PAX2: variants seen among roughly 807,000 people sequenced by gnomAD.
PAX2 encodes paired box protein Pax-2.
A neutral mutation model predicts 41.7 loss-of-function variants in PAX2; 9 were observed. That is an observed-to-expected ratio of 0.22 (90% CI 0.13 to 0.38). PAX2 has a LOEUF of 0.38. Among genes scored for constraint, PAX2 ranks in the 10% least tolerant of loss-of-function variants. The pLI is 1.00. For missense variants in PAX2, 418 were observed against 531.6 expected (o/e 0.79, Z 2.10); for synonymous variants, 221 against 212.7 (o/e 1.04, Z -0.34).
chr10:100,769,888 GT>G (rs1356640374), intron 3 of PAX2, among the ~76,000 whole-genome samples: 8 of 152,096 alleles, frequency 5.3e-5, no homozygotes, highest in African/African-American at 9.7e-5. Context: ...AGAAAACAAG[GT>G]TTCAGCTCTG....
chr10:100,770,579 C>A (rs1354227851), intron 3 of PAX2, among the ~76,000 whole-genome samples: 1 of 152,240 alleles, frequency 6.6e-6, no homozygotes, highest in Admixed American at 6.5e-5. Context: ...CCCCTTGGGC[C>A]AGCCCCATGG....
At position 100,827,179 on chromosome 10, in the gene PAX2, TG is replaced by T; in HGVS notation, c.1108+88del. Reference sequence around the variant, plus strand: ...GTCCCACTCCCGGCGACCCGACCTCTGGGGACCCGGCCGGGCCAGGGGGACA... The same window carrying T: ...GTCCCACTCCCGGCGACCCGACCTCTGGGACCCGGCCGGGCCAGGGGGACA... On this transcript the variant is annotated intron_variant, in intron 9 of 9. Coordinates refer to ENST00000355243, the MANE Select transcript of PAX2 (RefSeq NM_000278.5). This position sits in a 1 kb window ranked among gnomAD's most constrained non-coding sequence, Gnocchi z 8.5. 1 of 1,138,746 alleles carries T rather than the reference TG, an allele frequency of 8.8e-7. No homozygotes were observed. Among genetic ancestry groups the T allele is most frequent in the Non-Finnish European group, 1.3e-6 (1 of 758,770 alleles). 70.5% of individuals were successfully genotyped at this position (1,138,746 alleles called of 1,614,324 possible).
At chr10:100,821,254 A>T (rs1391095611) in intron 7 of PAX2, among the ~76,000 whole-genome samples, 2 of 152,180 alleles carry the variant, frequency 1.3e-5, no homozygotes, top group Non-Finnish European at 2.9e-5. Flanking sequence ...TCTGCTCTTT[A>T]AGTGTCACCT....
In PAX2 at chr10:100,829,404, C is replaced by T. The variant is rs891941263; in HGVS notation, c.*1785C>T. The T allele has an allele frequency of 2.4e-5, 5 of 209,050 alleles. No individual in the cohort carries two copies. Among genetic ancestry groups the T allele is most frequent in the Non-Finnish European group, 3.9e-5 (4 of 102,380 alleles). The allele number at this position is 209,050 out of a possible 1,614,324, so 12.9% of individuals were successfully genotyped here. On this transcript the variant is annotated 3_prime_UTR_variant, in exon 10 of 10. Transcript: ENST00000355243. ...GGCAGCTCCAGCCCCCGGGCTCGCC[C>T]CCTCGCGGGCGTGCCCCGCGCGCCC...
intron 5 of PAX2, among the ~76,000 whole-genome samples, chr10:100,792,974 C>T (rs755645553): frequency 3.3e-5 from 5 of 152,318 alleles, no homozygotes; most frequent in South Asian, 2.1e-4. Flanking sequence ...CCCTGCTTTC[C>T]GCACCAAAGA....
chr10:100,749,620 C>T, intron 1 of PAX2, 126 bp from the exon 2 acceptor site: 1 of 1,469,292 alleles, frequency 6.8e-7, no homozygotes, highest in Non-Finnish European at 9.0e-7. Flanking sequence ...CACCTTTCTT[C>T]TCAAGCTCGG....
At chr10:100,771,717 C>T (rs1320752010) in intron 3 of PAX2, among the ~76,000 whole-genome samples, 1 of 152,252 alleles carries the variant, frequency 6.6e-6, no homozygotes, top group Admixed American at 6.5e-5. Context: ...GCCATGGATA[C>T]GTGCCTGATA....
chr10:100,817,533 G>A lies in PAX2; in HGVS notation c.920-7115G>A, dbSNP rs148513918. ...ACAGCATGACTGGTTGTGTCCGGCC[G>A]GTTGGCTGTCAAGGTGTAGACCTCA... On this transcript the variant is annotated intron_variant, in intron 7 of 9. Coordinates refer to ENST00000355243, the MANE Select transcript of PAX2 (RefSeq NM_000278.5). 1.9e-3 allele frequency among the ~76,000 whole-genome samples: 292 copies of A among 152,330 alleles called. 2 individuals are homozygous for A. The highest frequency in any genetic ancestry group is 6.3e-3 in the African/African-American group (262 of 41,578).
intron 5 of PAX2, among the ~76,000 whole-genome samples, chr10:100,792,045 T>C (rs1047358022): frequency 4.6e-5 from 7 of 152,238 alleles, no homozygotes; most frequent in Non-Finnish European, 8.8e-5. Context: ...GATCCATTTT[T>C]CTCTGGCATT....
rs573550098 is a variant in PAX2 at position 100,751,223 on chromosome 10, C to T, written c.410+332C>T. Among the ~76,000 whole-genome samples the T allele has an allele frequency of 7.2e-4, 109 of 152,320 alleles. 1 individual carries two copies. Among genetic ancestry groups the T allele is most frequent in the African/African-American group, 2.6e-3 (108 of 41,564 alleles). On this transcript the variant is annotated intron_variant, in intron 3 of 9. Transcript: ENST00000355243. ...GACAATCACAGCCTGCAGCCGGAGCCTTTAAAATGACCAGTGTCTATTCAT... is the reference window on the plus strand; with the variant it reads ...GACAATCACAGCCTGCAGCCGGAGCTTTTAAAATGACCAGTGTCTATTCAT...
intron 3 of PAX2, among the ~76,000 whole-genome samples, chr10:100,767,612 C>T (rs1163190614): frequency 2.6e-5 from 4 of 152,148 alleles, no homozygotes; most frequent in Non-Finnish European, 4.4e-5. Context: ...TGGGTGTTCA[C>T]GGAGTATCGA....
intron 7 of PAX2, among the ~76,000 whole-genome samples, chr10:100,816,773 A>C (rs1300268962): frequency 6.6e-6 from 1 of 152,150 alleles, no homozygotes; most frequent in Non-Finnish European, 1.5e-5. Context: ...AGGGCTTTGC[A>C]TGCCTTCAGC....
upstream of PAX2, among the ~76,000 whole-genome samples, chr10:100,741,021 G>A (rs1458475831): frequency 6.6e-6 from 1 of 152,252 alleles, no homozygotes; most frequent in Non-Finnish European, 1.5e-5. Flanking sequence ...CAGCTTTGGT[G>A]GCCAAGTGGC....
At chr10:100,790,911 G>A (rs1054190340) in intron 5 of PAX2, among the ~76,000 whole-genome samples, 2 of 152,304 alleles carry the variant, frequency 1.3e-5, no homozygotes, top group South Asian at 2.1e-4. Flanking sequence ...GACAGATCAC[G>A]AGCCTCAGAG....
At chr10:100,815,117 A>G (rs927486709) in intron 7 of PAX2, among the ~76,000 whole-genome samples, 3 of 152,202 alleles carry the variant, frequency 2.0e-5, no homozygotes, top group Admixed American at 2.0e-4. Flanking sequence ...TACTCAGGGC[A>G]TCCTGAGGAC....
chr10:100,829,671 G>C lies in PAX2; in HGVS notation c.*2052G>C. 1 of 204,128 alleles carries C rather than the reference G, an allele frequency of 4.9e-6. No individual in the cohort carries two copies. The highest frequency in any genetic ancestry group is 1.9e-4 in the South Asian group (1 of 5,276). The allele number at this position is 204,128 out of a possible 1,614,324, so 12.6% of individuals were successfully genotyped here. ...AGAAGGAAAAAGAGAAAAGAGAATC[G>C]TTTAAGGGAACCCGGCGCCCAGCCA... On this transcript the variant is annotated 3_prime_UTR_variant, in exon 10 of 10. Coordinates refer to ENST00000355243, the MANE Select transcript of PAX2 (RefSeq NM_000278.5).
chr10:100,822,823 T>C (rs1848416420), intron 7 of PAX2, among the ~76,000 whole-genome samples: 1 of 152,080 alleles, frequency 6.6e-6, no homozygotes, highest in Non-Finnish European at 1.5e-5. Flanking sequence ...GAGGTGATAA[T>C]CTTAAGTTGG....
At chr10:100,820,188 G>A (rs889333771) in intron 7 of PAX2, among the ~76,000 whole-genome samples, 8 of 152,188 alleles carry the variant, frequency 5.3e-5, no homozygotes, top group Admixed American at 3.3e-4. Context: ...CAGCCATGAC[G>A]ATATGAGACT....
chr10:100,780,042 C>A (rs1161590115), intron 4 of PAX2, among the ~76,000 whole-genome samples: 1 of 151,904 alleles, frequency 6.6e-6, no homozygotes, highest in African/African-American at 2.4e-5. Context: ...TCTGTCTTCT[C>A]CCCTTGGCTC....
Sources: gnomAD v4.1 joint callset for allele counts (sites outside exome capture counted in the v4.1 genomes callset) on GRCh38, gnomAD v4.1.1 for gene constraint, Gnocchi (gnomAD v3.1) non-coding constraint, MANE v1.5 for transcripts, NCBI Gene and HGNC (gene_info 2026-07-23, HGNC 2026-07-21) for gene names.